Variants in GSTCD observed in about 807,000 individuals in gnomAD.
The protein encoded by GSTCD is glutathione S-transferase C-terminal domain-containing protein.
GSTCD carries 44 observed loss-of-function variants against 68.3 expected under a neutral mutation model. The ratio of observed to expected loss-of-function variants is 0.64; its 90% CI spans 0.51 to 0.83. The LOEUF (loss-of-function observed/expected upper bound fraction) is 0.83, where lower values mean the gene tolerates loss of function less well. Ranked by LOEUF, GSTCD falls within the 40% of genes least tolerant of loss-of-function variation. The probability of loss-of-function intolerance (pLI) is 0.00; values close to 1 mark genes in which losing one functional copy is unlikely to be tolerated. For missense variants in GSTCD, 739 were observed against 735.9 expected, an observed-to-expected ratio of 1.00 and a Z score of -0.05; for synonymous variants, 273 against 255.2, an observed-to-expected ratio of 1.07 and a Z score of -0.67.
chr4:105,787,476 C>T (rs948127887), intron 5 of GSTCD, among the ~76,000 whole-genome samples: 2 of 151,992 alleles, frequency 1.3e-5, no homozygotes, highest in African/African-American at 2.4e-5. Context: ...TCAGAATTTG[C>T]GTTAACAGTG....
chr4:105,741,352 T>G (rs1299242370), intron 5 of GSTCD, among the ~76,000 whole-genome samples: 1 of 152,210 alleles, frequency 6.6e-6, no homozygotes, highest in Non-Finnish European at 1.5e-5. Flanking sequence ...AATTTGTTAG[T>G]GTTTTAATTT....
intron 5 of GSTCD, among the ~76,000 whole-genome samples, chr4:105,735,046 G>A (rs752905748): frequency 1.1e-4 from 16 of 152,296 alleles, no homozygotes; most frequent in South Asian, 2.1e-4. Context: ...TGGAAGCTTC[G>A]TCTCAGAGGG....
In GSTCD at chr4:105,799,869, A is replaced by G. The variant is rs573553366; in HGVS notation, c.1241-23085A>G. 5.3e-5 allele frequency among the ~76,000 whole-genome samples: 8 copies of G among 152,268 alleles called. No homozygotes were observed. In the East Asian group the frequency reaches 9.7e-4, roughly 18 times the overall value. On this transcript the variant is annotated intron_variant, in intron 5 of 11. Coordinates refer to ENST00000515279, the MANE Select transcript of GSTCD (RefSeq NM_001370181.1). ...AAAAACACAGTATTTCTAAAGCACA[A>G]TAAGAAAGAGGTATATCTGCTTGTT... is the stretch of plus-strand genomic sequence containing the variant.
intron 8 of GSTCD, among the ~76,000 whole-genome samples, chr4:105,826,443 A>G (rs1483515903): frequency 1.3e-5 from 2 of 152,002 alleles, no homozygotes; most frequent in Non-Finnish European, 2.9e-5. Flanking sequence ...ATTTGCTTTA[A>G]ATAATTTTTT....
intron 10 of GSTCD, among the ~76,000 whole-genome samples, chr4:105,839,646 A>AAG (rs147101146): frequency 1.3e-5 from 2 of 150,886 alleles, no homozygotes; most frequent in Non-Finnish European, 3.0e-5. Flanking sequence ...GTCTCAAGAA[A>AAG]AGAGAGAGAG....
At position 105,754,023 on chromosome 4, in the gene GSTCD, T is replaced by A. The variant is rs567252892; in HGVS notation, c.1240+24524T>A. ...TTGGAGGGAAAACTAATGATGTAGA[T>A]CCCTGTTTTTCTGCTAATGGGAATT... On this transcript the variant is annotated intron_variant, in intron 5 of 11. Transcript: ENST00000515279. Among the ~76,000 whole-genome samples the A allele has an allele frequency of 1.1e-4, 16 of 152,190 alleles. No individual in the cohort carries two copies. The South Asian group carries it at 3.3e-3, about 32-fold the overall frequency.
At chr4:105,778,761 CT>C (rs989454115) in intron 5 of GSTCD, among the ~76,000 whole-genome samples, 2 of 152,006 alleles carry the variant, frequency 1.3e-5, no homozygotes, top group African/African-American at 4.8e-5. Context: ...CTGTCATACT[CT>C]TTTTAAATTT....
rs1560854320 is a variant in GSTCD, at chr4:105,834,614, A to G, written c.1664+20A>G. On this transcript the variant is annotated intron_variant, in intron 9 of 11. Transcript: ENST00000515279. ...AAAAAGGTGAGAAATTCAGTGTTCTACATAAGACACCAACATGGGTATAAG... is the reference window on the plus strand; with the variant it reads ...AAAAAGGTGAGAAATTCAGTGTTCTGCATAAGACACCAACATGGGTATAAG... 2 of 1,610,392 alleles carry G rather than the reference A, an allele frequency of 1.2e-6. No homozygotes were observed. Among genetic ancestry groups the G allele is most frequent in the Non-Finnish European group, 1.7e-6 (2 of 1,177,224 alleles).
chr4:105,842,884 A>T (rs1724412415), intron 11 of GSTCD, among the ~76,000 whole-genome samples: 1 of 152,138 alleles, frequency 6.6e-6, no homozygotes, highest in Non-Finnish European at 1.5e-5. Context: ...AACTTATTTG[A>T]TTCTGGACAT....
intron 5 of GSTCD, among the ~76,000 whole-genome samples, chr4:105,774,033 G>A (rs767321992): frequency 1.3e-5 from 2 of 152,052 alleles, no homozygotes; most frequent in Non-Finnish European, 2.9e-5. Flanking sequence ...ATGAATCTGG[G>A]GTGCTCCTGT....
chr4:105,820,457 C>T (rs1723231332), intron 5 of GSTCD: 1 of 151,752 alleles, frequency 6.6e-6, no homozygotes, highest in Non-Finnish European at 1.5e-5. Context: ...TAAATATTGT[C>T]TCAGGCACAA....
At chr4:105,768,500 A>G (rs1015521091) in intron 5 of GSTCD, among the ~76,000 whole-genome samples, 1 of 152,134 alleles carries the variant, frequency 6.6e-6, no homozygotes. Context: ...TTTCTTACAT[A>G]TTCACTAACA....
At chr4:105,726,448 T>C (rs1733036808) in intron 3 of GSTCD, 131 bp from the exon 4 acceptor site, 4 of 612,886 alleles carry the variant, frequency 6.5e-6, no homozygotes, top group African/African-American at 1.9e-5. Context: ...GATAACTGGA[T>C]ACATTTACTA....
chr4:105,732,673 T>C (rs970166833), intron 5 of GSTCD, among the ~76,000 whole-genome samples: 1 of 152,194 alleles, frequency 6.6e-6, no homozygotes, highest in Non-Finnish European at 1.5e-5. Flanking sequence ...TGAAGGGTTT[T>C]TTGTGTCTCT....
chr4:105,729,457 C>A lies in GSTCD; in HGVS notation c.1198C>A (p.Leu400Ile), dbSNP rs1578415168. The A allele has an allele frequency of 6.2e-7, 1 of 1,612,230 alleles. No homozygotes were observed. The highest frequency in any genetic ancestry group is 8.5e-7 in the Non-Finnish European group (1 of 1,178,894). Reference sequence around the variant, plus strand: ...TCCCCACCCTTGCCCTACTTGGACTCTTGATTGGAATGTTCTCCCTGCAGC... The same window carrying A: ...TCCCCACCCTTGCCCTACTTGGACTATTGATTGGAATGTTCTCCCTGCAGC... ...FSPHPCPTWTLDWNVLPAAVS... is the reference protein window; with the variant it reads ...FSPHPCPTWTIDWNVLPAAVS... Residue 400 changes from leucine (L) to isoleucine (I), a missense_variant, in exon 5 of 12, where the codon CTT becomes ATT. Physicochemically the swap from Leu to Ile is conservative, Grantham distance 5. Coordinates refer to ENST00000515279, the MANE Select transcript of GSTCD (RefSeq NM_001370181.1).
chr4:105,774,553 C>T (rs1271980794), intron 5 of GSTCD, among the ~76,000 whole-genome samples: 3 of 152,172 alleles, frequency 2.0e-5, no homozygotes, highest in African/African-American at 7.2e-5. Flanking sequence ...CTGGTGGTGA[C>T]AAAATCCCTC....
chr4:105,800,945 C>T (rs1736083910), intron 5 of GSTCD, among the ~76,000 whole-genome samples: 1 of 152,066 alleles, frequency 6.6e-6, no homozygotes, highest in Non-Finnish European at 1.5e-5. Flanking sequence ...CACCATAATG[C>T]ATGCCTGAAC....
intron 5 of GSTCD, among the ~76,000 whole-genome samples, chr4:105,791,965 A>C (rs553160646): frequency 6.6e-6 from 1 of 152,248 alleles, no homozygotes; most frequent in African/African-American, 2.4e-5. Context: ...AGGAGCCCTT[A>C]GGGAAAAATA....
chr4:105,825,100 ATTGGTTGG>A (rs35367925), intron 7 of GSTCD, among the ~76,000 whole-genome samples: 4 of 149,698 alleles, frequency 2.7e-5, no homozygotes, highest in Admixed American at 6.7e-5. Context: ...TGGTTGGTTG[ATTGGTTGG>A]TTGGTTGGTT....
Sources: gnomAD v4.1 joint callset for allele counts (sites outside exome capture counted in the v4.1 genomes callset) on GRCh38, gnomAD v4.1.1 for gene constraint, MANE v1.5 for transcripts, NCBI Gene and HGNC (gene_info 2026-07-23, HGNC 2026-07-21) for gene names.